Variants in COL13A1 observed in about 807,000 individuals in gnomAD.
The protein encoded by COL13A1 is collagen alpha-1(XIII) chain.
Under a neutral mutation model 130.9 loss-of-function variants are expected in COL13A1, and 89 were observed. The ratio of observed to expected loss-of-function variants is 0.68; its 90% CI spans 0.57 to 0.81. The LOEUF (loss-of-function observed/expected upper bound fraction) is 0.81. Ranked by LOEUF, COL13A1 falls within the 30% of genes least tolerant of loss-of-function variation. COL13A1 has a pLI of 0.00. For missense variants in COL13A1, 879 were observed against 934.6 expected, an observed-to-expected ratio of 0.94 and a Z score of 0.78; for synonymous variants, 402 against 341.6, an observed-to-expected ratio of 1.18 and a Z score of -1.95.
chr10:69,812,400 GATA>G (rs1843297159), intron 1 of COL13A1, among the ~76,000 whole-genome samples: 1 of 152,136 alleles, frequency 6.6e-6, no homozygotes, highest in Non-Finnish European at 1.5e-5. Flanking sequence ...TAAGGGTAAT[GATA>G]ATAAGAGTAC....
chr10:69,932,082 T>C (rs1215841386), intron 30 of COL13A1, among the ~76,000 whole-genome samples: 2 of 151,590 alleles, frequency 1.3e-5, no homozygotes, highest in African/African-American at 2.4e-5. Context: ...GTTCACATTA[T>C]AGCAACTGGC....
chr10:69,937,760 G>T (rs3750781), intron 34 of COL13A1, 45 bp downstream of exon 34: 15 of 849,628 alleles, frequency 1.8e-5, no homozygotes, highest in African/African-American at 1.5e-4. Context: ...TGATGGGCCA[G>T]GGGTGTGGGC....
At position 69,895,565 on chromosome 10, in the gene COL13A1, T is replaced by C; in HGVS notation, c.673T>C (p.Tyr225His). 6.2e-7 allele frequency: 1 copy of C among 1,613,684 alleles called. No homozygotes were observed. The highest frequency in any genetic ancestry group is 1.1e-5 in the South Asian group (1 of 91,072). Reference sequence around the variant, plus strand: ...TCCTTCCCAGGGTCAGTGTGGAGAGTACCCACACCGGGTAAGTGAACCCCT... The same window carrying C: ...TCCTTCCCAGGGTCAGTGTGGAGAGCACCCACACCGGGTAAGTGAACCCCT... ...QKGEKGQCGE[Y>H]PHRLLPLLNS... is the part of the protein sequence containing the mutation. The change falls in exon 13 of 41, where the codon TAC (tyrosine) becomes CAC (histidine). Residue 225 changes from tyrosine (Y) to histidine (H), a missense_variant. Around this residue, in one of 3 missense-constraint regions of COL13A1, gnomAD observed 715 missense variants for 721.0 expected, o/e 0.99. Coordinates refer to ENST00000645393, the MANE Select transcript of COL13A1 (RefSeq NM_001368882.1).
intron 2 of COL13A1, among the ~76,000 whole-genome samples, chr10:69,865,388 A>C (rs1050755826): frequency 8.5e-5 from 13 of 152,314 alleles, no homozygotes; most frequent in African/African-American, 3.1e-4. Context: ...GCATCAGGGG[A>C]AGCATCTGCT....
chr10:69,815,918 A>G (rs1022982870), intron 1 of COL13A1, among the ~76,000 whole-genome samples: 4 of 151,900 alleles, frequency 2.6e-5, no homozygotes, highest in African/African-American at 9.7e-5. Context: ...GAAATAAAAC[A>G]AAGTGGTGTG....
intron 2 of COL13A1, among the ~76,000 whole-genome samples, chr10:69,865,324 T>C (rs1458350528): frequency 6.6e-6 from 1 of 152,164 alleles, no homozygotes; most frequent in Admixed American, 6.5e-5. Flanking sequence ...CACTGCTAGA[T>C]TTTGCAAAGC....
intron 2 of COL13A1, among the ~76,000 whole-genome samples, chr10:69,843,113 G>A (rs141178586): frequency 2.4e-3 from 372 of 152,264 alleles, no homozygotes; most frequent in Middle Eastern, 0.014. Flanking sequence ...CAGCACCCAC[G>A]TCACAGCAGG....
chr10:69,844,053 C>A (rs958202079), intron 2 of COL13A1, among the ~76,000 whole-genome samples: 1 of 152,074 alleles, frequency 6.6e-6, no homozygotes, highest in Non-Finnish European at 1.5e-5. Context: ...CCAAGAGAGT[C>A]AGAAGAAAAA....
intron 2 of COL13A1, among the ~76,000 whole-genome samples, chr10:69,835,032 A>G (rs966560911): frequency 6.6e-6 from 1 of 152,172 alleles, no homozygotes; most frequent in Non-Finnish European, 1.5e-5. Context: ...AGAAGCACTG[A>G]GGTGGGAGAC....
chr10:69,936,551 G>A (rs1365262712), intron 32 of COL13A1, among the ~76,000 whole-genome samples: 1 of 152,032 alleles, frequency 6.6e-6, no homozygotes, highest in Non-Finnish European at 1.5e-5. Context: ...TGTGAGCCCT[G>A]GCTGGAAAAG....
chr10:69,860,733 T>A (rs1857810135), intron 2 of COL13A1: 3 of 272,044 alleles, frequency 1.1e-5, no homozygotes, highest in Non-Finnish European at 2.2e-5. Flanking sequence ...TGCGGCCATT[T>A]TCCTGAGCCC....
intron 17 of COL13A1, among the ~76,000 whole-genome samples, chr10:69,915,985 G>C (rs954683582): frequency 6.6e-6 from 1 of 152,164 alleles, no homozygotes; most frequent in Non-Finnish European, 1.5e-5. Flanking sequence ...TCAACAGCAG[G>C]CCAAGGATGT....
chr10:69,809,968 T>C (rs1403909183), intron 1 of COL13A1, among the ~76,000 whole-genome samples: 1 of 152,210 alleles, frequency 6.6e-6, no homozygotes, highest in Non-Finnish European at 1.5e-5. Flanking sequence ...AAGGCTTTTG[T>C]ATGAGCCTTG....
intron 2 of COL13A1, among the ~76,000 whole-genome samples, chr10:69,838,159 C>T (rs1850593584): frequency 6.6e-6 from 1 of 152,260 alleles, no homozygotes; most frequent in African/African-American, 2.4e-5. Flanking sequence ...CAGGAGACAG[C>T]AGCAGCCACA....
At chr10:69,865,478 C>T (rs893121145) in intron 2 of COL13A1, among the ~76,000 whole-genome samples, 1 of 152,166 alleles carries the variant, frequency 6.6e-6, no homozygotes, top group Non-Finnish European at 1.5e-5. Context: ...TTTTCCAAGG[C>T]ACCTGAAGAT....
At chr10:69,810,420 A>G (rs2704497) in intron 1 of COL13A1, among the ~76,000 whole-genome samples, 149,699 of 150,832 alleles carry the variant, frequency 0.99, 74,296 homozygotes, top group East Asian at 1. Context: ...AGCTCCCTGT[A>G]CAGTGAAACC....
At chr10:69,812,107 G>A (rs10762312) in intron 1 of COL13A1, among the ~76,000 whole-genome samples, 107,031 of 151,940 alleles carry the variant, frequency 0.7, 37,781 homozygotes, top group Non-Finnish European at 0.74. Flanking sequence ...GCCGTCTCCT[G>A]ATTAAACTCT....
intron 16 of COL13A1, among the ~76,000 whole-genome samples, chr10:69,905,373 A>G (rs1360034885): frequency 6.6e-6 from 1 of 152,228 alleles, no homozygotes. Context: ...AATGTCAAAC[A>G]GGCTCTCCCT....
rs560199632 is a variant in COL13A1, at chr10:69,901,094, G to A, written c.751-1654G>A. Reference sequence around the variant, plus strand: ...TGTGGTTGAAAAGGAGGCTGCACTGGTCCCTTTTTAAGGCCTGAGGCTTAG... The same window carrying A: ...TGTGGTTGAAAAGGAGGCTGCACTGATCCCTTTTTAAGGCCTGAGGCTTAG... On this transcript the variant is annotated intron_variant, in intron 14 of 40. Coordinates refer to ENST00000645393, the MANE Select transcript of COL13A1 (RefSeq NM_001368882.1). Among the ~76,000 whole-genome samples, 769 of 152,334 alleles carry A rather than the reference G, an allele frequency of 5.0e-3. 3 individuals are homozygous for A. The highest frequency in any genetic ancestry group is 0.017 in the Middle Eastern group (5 of 294).
Sources: gnomAD v4.1 joint callset for allele counts (sites outside exome capture counted in the v4.1 genomes callset) on GRCh38, gnomAD v4.1.1 for gene constraint, gnomAD v4.1.1 regional missense constraint, MANE v1.5 for transcripts, NCBI Gene and HGNC (gene_info 2026-07-23, HGNC 2026-07-21) for gene names.